RBFOX1: variants seen among roughly 807,000 people sequenced by gnomAD.
RBFOX1 encodes RNA binding protein fox-1 homolog 1.
Under a neutral mutation model 57.7 loss-of-function variants are expected in RBFOX1, and 8 were observed. The ratio of observed to expected loss-of-function variants is 0.14; its 90% CI spans 0.08 to 0.25. The LOEUF (loss-of-function observed/expected upper bound fraction) is 0.25. RBFOX1 is among the 10% of genes least tolerant of loss of function. RBFOX1 has a pLI of 1.00. For synonymous variants in RBFOX1, 326 were observed against 222.4 expected, an observed-to-expected ratio of 1.47 and a Z score of -4.15; for missense variants, 611 against 548.5, an observed-to-expected ratio of 1.11 and a Z score of -1.14.
chr16:5,637,563 C>A (rs1290566972), intron 3 of RBFOX1, among the ~76,000 whole-genome samples: 1 of 152,190 alleles, frequency 6.6e-6, no homozygotes, highest in Non-Finnish European at 1.5e-5. Context: ...CTCAATAAAT[C>A]TAGTTTTAAT....
intron 3 of RBFOX1, among the ~76,000 whole-genome samples, chr16:5,630,168 G>C (rs566367104): frequency 6.6e-6 from 1 of 152,144 alleles, no homozygotes; most frequent in Non-Finnish European, 1.5e-5. Flanking sequence ...GGAAGCATAG[G>C]CACTTTAGCT....
intron 1 of RBFOX1, among the ~76,000 whole-genome samples, chr16:6,053,391 AGAG>A (rs2095576760): frequency 6.6e-6 from 1 of 152,232 alleles, no homozygotes. Context: ...TGTATTGGAC[AGAG>A]GGGAGAAAGG....
intron 3 of RBFOX1, among the ~76,000 whole-genome samples, chr16:6,795,106 A>G (rs1349671994): frequency 6.6e-6 from 1 of 152,122 alleles, no homozygotes; most frequent in African/African-American, 2.4e-5. Context: ...TTCTGGGTAT[A>G]TTTTATCTAC....
chr16:7,565,080 A>G (rs1009610729), intron 5 of RBFOX1, among the ~76,000 whole-genome samples: 2 of 152,200 alleles, frequency 1.3e-5, no homozygotes, highest in African/African-American at 4.8e-5. Context: ...GAGGATCTGC[A>G]CGAGCCCCGT....
chr16:6,369,539 T>G (rs1281566734), intron 2 of RBFOX1, among the ~76,000 whole-genome samples: 1 of 152,222 alleles, frequency 6.6e-6, no homozygotes, highest in Non-Finnish European at 1.5e-5. Flanking sequence ...TCTTTAGTCC[T>G]AAAGTTGTTG....
chr16:7,530,800 C>T (rs553635231), intron 5 of RBFOX1, among the ~76,000 whole-genome samples: 1 of 152,234 alleles, frequency 6.6e-6, no homozygotes, highest in African/African-American at 2.4e-5. Flanking sequence ...AGAAACATAA[C>T]CAGACTCTCA....
At chr16:6,479,559 C>A (rs2095337146) in intron 2 of RBFOX1, among the ~76,000 whole-genome samples, 1 of 151,336 alleles carries the variant, frequency 6.6e-6, no homozygotes, top group Non-Finnish European at 1.5e-5. Flanking sequence ...CTGTACTCTA[C>A]CCTGGGTGAT....
At chr16:7,589,367 T>C (rs2152907836) in intron 7 of RBFOX1, among the ~76,000 whole-genome samples, 1 of 152,346 alleles carries the variant, frequency 6.6e-6, no homozygotes, top group African/African-American at 2.4e-5. Flanking sequence ...TTTGCCATTT[T>C]GAAAGTACAA....
intron 4 of RBFOX1, among the ~76,000 whole-genome samples, chr16:7,368,278 A>AG (rs896975307): frequency 7.2e-5 from 11 of 151,788 alleles, no homozygotes; most frequent in East Asian, 3.9e-4. Flanking sequence ...AAAAAAAAAA[A>AG]AGAGAGAGAA....
At chr16:5,764,805 T>TA (rs397823101) in intron 3 of RBFOX1, among the ~76,000 whole-genome samples, 17 of 152,074 alleles carry the variant, frequency 1.1e-4, no homozygotes, top group Non-Finnish European at 1.6e-4. Context: ...TCATTTTTTT[T>TA]ATCATTACAG....
chr16:7,173,811 A>G (rs750637018), intron 4 of RBFOX1, among the ~76,000 whole-genome samples: 5 of 152,326 alleles, frequency 3.3e-5, no homozygotes, highest in South Asian at 2.1e-4. Flanking sequence ...CTTTATCCCA[A>G]TGTCATACAA....
rs192152148 is a variant in RBFOX1 at position 5,393,969 on chromosome 16, C to T, written c.220-73247C>T. ...GCACCTCATATAAGTGGAATCATAC[C>T]GTATTTGTCTTTTCGTGTCTGGCTG... is the stretch of plus-strand genomic sequence containing the variant. On this transcript the variant is annotated intron_variant, in intron 1 of 2. Transcript: ENST00000585867. 4.6e-5 allele frequency among the ~76,000 whole-genome samples: 7 copies of T among 152,288 alleles called. No individual in the cohort carries two copies. In the East Asian group the frequency reaches 9.6e-4, roughly 21 times the overall value.
At chr16:7,567,607 C>G (rs1178176485) in intron 5 of RBFOX1, among the ~76,000 whole-genome samples, 1 of 17,154 alleles carries the variant, frequency 5.8e-5, no homozygotes, top group South Asian at 2.0e-3. Flanking sequence ...ATATATATCC[C>G]TTTATATGGC....
intron 1 of RBFOX1, among the ~76,000 whole-genome samples, chr16:6,084,694 C>T (rs949967408): frequency 1.3e-5 from 2 of 152,060 alleles, no homozygotes; most frequent in Admixed American, 6.6e-5. Context: ...TATCGGGATT[C>T]CTTGGTTAGG....
chr16:5,676,219 G>A (rs2050165165), intron 3 of RBFOX1, among the ~76,000 whole-genome samples: 1 of 151,414 alleles, frequency 6.6e-6, no homozygotes, highest in Non-Finnish European at 1.5e-5. Context: ...CGACAAACCT[G>A]CACGTTCTGG....
intron 3 of RBFOX1, among the ~76,000 whole-genome samples, chr16:6,918,124 C>G (rs1325891204): frequency 6.6e-6 from 1 of 152,016 alleles, no homozygotes; most frequent in South Asian, 2.1e-4. Flanking sequence ...CCTGTCTCTA[C>G]TAAAAATGCA....
In RBFOX1 at chr16:6,995,023, A is replaced by G. The variant is rs193149427; in HGVS notation, c.-15-57034A>G. 1.1e-4 allele frequency among the ~76,000 whole-genome samples: 16 copies of G among 150,418 alleles called. No individual in the cohort carries two copies. The East Asian group carries it at 1.8e-3, about 17-fold the overall frequency. ...TTTGCATACGTGTGTATATGGATATATATGTGCCAGGTATTAGGCTGGCTA... is the reference window on the plus strand; with the variant it reads ...TTTGCATACGTGTGTATATGGATATGTATGTGCCAGGTATTAGGCTGGCTA... On this transcript the variant is annotated intron_variant, in intron 3 of 15. Coordinates refer to ENST00000550418, the MANE Select transcript of RBFOX1 (RefSeq NM_018723.4).
chr16:7,214,701 CTA>C (rs2091739694), intron 4 of RBFOX1, among the ~76,000 whole-genome samples: 3 of 152,102 alleles, frequency 2.0e-5, no homozygotes, highest in Admixed American at 2.0e-4. Flanking sequence ...TTCACACAGG[CTA>C]CCGTATACTG....
intron 3 of RBFOX1, among the ~76,000 whole-genome samples, chr16:6,912,983 C>T (rs1356737700): frequency 3.3e-5 from 5 of 152,092 alleles, no homozygotes; most frequent in African/African-American, 1.2e-4. Context: ...CTGGCTGTTA[C>T]CCAACACTGT....
Sources: gnomAD v4.1 joint callset for allele counts (sites outside exome capture counted in the v4.1 genomes callset) on GRCh38, gnomAD v4.1.1 for gene constraint, MANE v1.5 for transcripts, NCBI Gene and HGNC (gene_info 2026-07-23, HGNC 2026-07-21) for gene names.